TP63: variants seen among roughly 807,000 people sequenced by gnomAD.
TP63 encodes tumor protein p63.
TP63 carries 17 observed loss-of-function variants against 82.8 expected under a neutral mutation model. The ratio of observed to expected loss-of-function variants is 0.21; its 90% confidence interval spans 0.14 to 0.31. The LOEUF (loss-of-function observed/expected upper bound fraction) is 0.31. TP63 is among the 10% of genes least tolerant of loss of function. The pLI is 1.00. For synonymous variants in TP63, 330 were observed against 321.7 expected (o/e 1.03, Z -0.28); for missense variants, 648 against 895.3 (o/e 0.72, Z 3.52).
intron 4 of TP63, among the ~76,000 whole-genome samples, chr3:189,834,026 G>A (rs532942370): frequency 1.2e-4 from 18 of 152,288 alleles, no homozygotes; most frequent in African/African-American, 3.4e-4. Context: ...GTATGTGAGC[G>A]TATGTGCATT....
intron 1 of TP63, among the ~76,000 whole-genome samples, chr3:189,702,635 T>G (rs890271062): frequency 6.6e-6 from 1 of 152,132 alleles, no homozygotes; most frequent in African/African-American, 2.4e-5. Context: ...GAGGGAAAAG[T>G]TGAGGTTGAG....
intron 3 of TP63, among the ~76,000 whole-genome samples, chr3:189,761,847 G>C (rs1011892486): frequency 6.6e-6 from 1 of 152,204 alleles, no homozygotes; most frequent in Non-Finnish European, 1.5e-5. Context: ...AGGCAAGGAG[G>C]AGCAAGTCAC....
At chr3:189,633,005 A>G (rs1380762822) in intron 1 of TP63, among the ~76,000 whole-genome samples, 5 of 152,186 alleles carry the variant, frequency 3.3e-5, no homozygotes, top group South Asian at 4.2e-4. Flanking sequence ...GAACCAGGGA[A>G]GCTTTAGAAG....
In TP63 at chr3:189,648,385, G is replaced by A. The variant is rs979310047; in HGVS notation, c.62+16808G>A. 8.8e-5 allele frequency among the ~76,000 whole-genome samples: 13 copies of A among 146,994 alleles called. 1 individual carries two copies. Among genetic ancestry groups the A allele is most frequent in the African/African-American group, 3.3e-4 (13 of 39,196 alleles). ...CACTTTGGAAAGTAAGCTCCATGGA[G>A]GACAGACATTTGTCTACTTTGTGCC... On this transcript the variant is annotated intron_variant, in intron 1 of 13. Transcript: ENST00000264731.
At chr3:189,764,707 A>T (rs1722811261) in intron 3 of TP63, among the ~76,000 whole-genome samples, 1 of 152,206 alleles carries the variant, frequency 6.6e-6, no homozygotes, top group African/African-American at 2.4e-5. Flanking sequence ...GTGTTTACTT[A>T]TCATCCTCCC....
intron 4 of TP63, among the ~76,000 whole-genome samples, chr3:189,831,351 A>C (rs1339815514): frequency 3.3e-5 from 5 of 152,166 alleles, no homozygotes; most frequent in African/African-American, 1.2e-4. Flanking sequence ...GGGCAGATTA[A>C]ATAGGCAGAC....
rs893290411 is a variant in TP63 at position 189,663,477 on chromosome 3, C to T, written c.62+31900C>T. On this transcript the variant is annotated intron_variant, in intron 1 of 13. Transcript: ENST00000264731. The stretch of plus-strand genomic sequence containing the variant: ...TCAGTACAATTTCAGGCAAGATGAA[C>T]TAAAACACCTAATTCATAATTTAAG... Among the ~76,000 whole-genome samples the T allele has an allele frequency of 5.5e-5, 8 of 145,172 alleles. No individual in the cohort carries two copies. In the South Asian group the frequency reaches 1.2e-3, roughly 21 times the overall value.
intron 3 of TP63, among the ~76,000 whole-genome samples, chr3:189,807,108 A>G (rs1045139615): frequency 6.6e-6 from 1 of 152,206 alleles, no homozygotes; most frequent in African/African-American, 2.4e-5. Context: ...GGTTGATGAA[A>G]CAAGATTTCT....
chr3:189,621,675 C>T, the TP63 span, among the ~76,000 whole-genome samples: 1 of 152,030 alleles, frequency 6.6e-6, no homozygotes, highest in Non-Finnish European at 1.5e-5. Context: ...ATATTTCCCT[C>T]TCTATGTATA....
Position 189,684,714 on chromosome 3 carries a change from T to C in TP63, c.63-53026T>C, listed in dbSNP as rs140908346. ...GGTGCAATCTCGGCTCACTGCAACC[T>C]CCGCCTCCCGAGTTCAAGCGATTCT... is the stretch of plus-strand genomic sequence containing the variant. On this transcript the variant is annotated intron_variant, in intron 1 of 13. Coordinates refer to ENST00000264731, the MANE Select transcript of TP63 (RefSeq NM_003722.5). Among the ~76,000 whole-genome samples the C allele has an allele frequency of 1.5e-3, 221 of 150,300 alleles. 1 individual carries two copies. The highest frequency in any genetic ancestry group is 5.1e-3 in the African/African-American group (207 of 40,862).
chr3:189,613,876 T>A, the TP63 span, among the ~76,000 whole-genome samples: 1 of 152,222 alleles, frequency 6.6e-6, no homozygotes, highest in African/African-American at 2.4e-5. Context: ...TTTGGCAAAC[T>A]GTCTCTTATT....
intron 1 of TP63, among the ~76,000 whole-genome samples, chr3:189,639,429 T>G (rs1711611278): frequency 6.6e-6 from 1 of 152,166 alleles, no homozygotes; most frequent in South Asian, 2.1e-4. Flanking sequence ...TTATTTTTAT[T>G]GTTCGCCTTC....
chr3:189,749,107 G>T (rs1721602783), intron 3 of TP63, among the ~76,000 whole-genome samples: 1 of 151,962 alleles, frequency 6.6e-6, no homozygotes, highest in African/African-American at 2.4e-5. Flanking sequence ...TCAGAACATT[G>T]GTCTAGGCAG....
intron 1 of TP63, among the ~76,000 whole-genome samples, chr3:189,716,224 T>C (rs1718948019): frequency 6.6e-6 from 1 of 152,186 alleles, no homozygotes; most frequent in Non-Finnish European, 1.5e-5. Flanking sequence ...TCTGTAATTG[T>C]ATTAGATACC....
At chr3:189,813,431 G>T (rs1420484270) in intron 4 of TP63, among the ~76,000 whole-genome samples, 1 of 151,734 alleles carries the variant, frequency 6.6e-6, no homozygotes, top group Non-Finnish European at 1.5e-5. Flanking sequence ...TGTAGGGGCG[G>T]TGTTTCTTTG....
At chr3:189,659,014 A>G (rs1284256810) in intron 1 of TP63, among the ~76,000 whole-genome samples, 1 of 152,086 alleles carries the variant, frequency 6.6e-6, no homozygotes, top group Non-Finnish European at 1.5e-5. Context: ...GTTCTGAAAT[A>G]TAACGCTATT....
At chr3:189,849,837 G>A (rs1715400014) in intron 4 of TP63, among the ~76,000 whole-genome samples, 1 of 152,110 alleles carries the variant, frequency 6.6e-6, no homozygotes, top group African/African-American at 2.4e-5. Flanking sequence ...AGAAAATTAG[G>A]AGAAGAAGGT....
At chr3:189,670,796 C>G (rs1010618908) in intron 1 of TP63, among the ~76,000 whole-genome samples, 2 of 152,016 alleles carry the variant, frequency 1.3e-5, no homozygotes, top group African/African-American at 4.8e-5. Flanking sequence ...CAGGGACATA[C>G]ATTGGGAAAA....
chr3:189,817,790 A>G (rs1182691968), intron 4 of TP63, among the ~76,000 whole-genome samples: 3 of 152,002 alleles, frequency 2.0e-5, no homozygotes, highest in Non-Finnish European at 2.9e-5. Flanking sequence ...ATTGAATCTT[A>G]TATCTGTTAA....
Sources: gnomAD v4.1 joint callset for allele counts (sites outside exome capture counted in the v4.1 genomes callset) on GRCh38, gnomAD v4.1.1 for gene constraint, MANE v1.5 for transcripts, NCBI Gene and HGNC (gene_info 2026-07-23, HGNC 2026-07-21) for gene names.